The following MAP2 variants were observed in gnomAD, a reference collection of about 807,000 sequenced individuals.
MAP2 encodes the protein microtubule associated protein 2, also known as microtubule-associated protein 2.
MAP2 carries 14 observed loss-of-function variants against 137.6 expected under a neutral mutation model. The observed-to-expected ratio is 0.10, with a 90% CI of 0.07 to 0.16. MAP2 has a LOEUF of 0.16. MAP2 is among the 10% of genes least tolerant of loss of function. The probability of loss-of-function intolerance (pLI) is 1.00; values close to 1 mark genes in which losing one functional copy is unlikely to be tolerated. For synonymous variants in MAP2, 786 were observed against 782.3 expected, an observed-to-expected ratio of 1.00 and a Z score of -0.08; for missense variants, 2,088 against 2,191.5, an observed-to-expected ratio of 0.95 and a Z score of 0.94.
chr2:209,692,690 C>G lies in MAP2; in HGVS notation c.520C>G (p.Pro174Ala), dbSNP rs553702819. Residue 174 changes from proline to alanine, a missense_variant, in exon 8 of 16, where the codon CCT (proline) becomes GCT (alanine). This residue lies in a region of MAP2 where 859 missense variants were observed against 794.5 expected (regional missense o/e 1.08). Coordinates refer to ENST00000682079, the MANE Select transcript of MAP2 (RefSeq NM_001375505.1). ...QQELTPSTAEPSDQKEKESEK... is the reference protein window; with the variant it reads ...QQELTPSTAEASDQKEKESEK... Reference sequence around the variant, plus strand: ...GGAATTGACTCCCTCTACAGCTGAGCCTTCAGACCAGAAGGAAAAGGAGTC... The same window carrying G: ...GGAATTGACTCCCTCTACAGCTGAGGCTTCAGACCAGAAGGAAAAGGAGTC... The G allele has an allele frequency of 8.1e-6, 13 of 1,612,828 alleles. No individual in the cohort carries two copies. The highest frequency in any genetic ancestry group is 5.0e-5 in the Admixed American group (3 of 59,716).
rs114527999 is a variant in MAP2, at chr2:209,703,677, A to G, written c.4585-1903A>G. Among the ~76,000 whole-genome samples, 1,200 of 152,204 alleles carry G rather than the reference A, an allele frequency of 7.9e-3. 17 individuals are homozygous for G. The highest frequency in any genetic ancestry group is 0.027 in the African/African-American group (1,117 of 41,544). On this transcript the variant is annotated intron_variant, in intron 11 of 15. Coordinates refer to ENST00000682079, the MANE Select transcript of MAP2 (RefSeq NM_001375505.1). ...TTCTTTCTATATTAAGGCTTATTGT[A>G]TTTTTAAAGAGAAAGAGAGACTTGC...
rs572932615 is a variant in MAP2 at position 209,452,729 on chromosome 2, T to A, written c.-222+28453T>A. Among the ~76,000 whole-genome samples the A allele has an allele frequency of 1.3e-4, 20 of 152,322 alleles. No individual in the cohort carries two copies. The East Asian group carries it at 3.7e-3, about 28-fold the overall frequency. ...TCTTCCCTTCAGTTTTTAGCCTGCA[T>A]ACATACCTCAGTACCAGCCAACGGT... On this transcript the variant is annotated intron_variant, in intron 1 of 15. Coordinates refer to ENST00000682079, the MANE Select transcript of MAP2 (RefSeq NM_001375505.1).
chr2:209,458,774 C>T lies in MAP2; in HGVS notation c.-222+34498C>T, dbSNP rs749918498. ...GTCCCATAGAGGTGTTTGAGGCATACGATGCTCCCTCCACCTGCCTGAGAA... is the reference window on the plus strand; with the variant it reads ...GTCCCATAGAGGTGTTTGAGGCATATGATGCTCCCTCCACCTGCCTGAGAA... On this transcript the variant is annotated intron_variant, in intron 1 of 15. Transcript: ENST00000682079. Among the ~76,000 whole-genome samples the T allele has an allele frequency of 5.9e-5, 9 of 152,120 alleles. 1 individual carries two copies. The highest frequency in any genetic ancestry group is 2.6e-4 in the Admixed American group (4 of 15,264).
At chr2:209,721,326 A>G (rs2070808736) in intron 13 of MAP2, among the ~76,000 whole-genome samples, 1 of 152,218 alleles carries the variant, frequency 6.6e-6, no homozygotes, top group Non-Finnish European at 1.5e-5. Context: ...TTTTAGATGA[A>G]AAAATTATAA....
chr2:209,486,797 AG>A (rs1324738005), intron 1 of MAP2, among the ~76,000 whole-genome samples: 3 of 152,252 alleles, frequency 2.0e-5, no homozygotes, highest in African/African-American at 7.2e-5. Flanking sequence ...TTTCTGCTCC[AG>A]TGCTACTTCA....
At chr2:209,625,435 A>G (rs1040463533) in intron 4 of MAP2, among the ~76,000 whole-genome samples, 3 of 152,142 alleles carry the variant, frequency 2.0e-5, no homozygotes, top group African/African-American at 7.2e-5. Flanking sequence ...TTTCTTCAGT[A>G]CCTGTTACAT....
At chr2:209,513,933 A>G (rs1475570159) in intron 2 of MAP2, among the ~76,000 whole-genome samples, 1 of 152,144 alleles carries the variant, frequency 6.6e-6, no homozygotes, top group Non-Finnish European at 1.5e-5. Flanking sequence ...TCCAAAATCT[A>G]GGAAATGATT....
rs758304515 is a variant in MAP2, at chr2:209,730,394, G to C, written c.5481G>C (p.Leu1827Phe). Reference sequence around the variant, plus strand: ...CTGCTGCACTCGCTAAGCAGGGCTTGTGAATATTTCTCATTTAGCATTGAA... The same window carrying C: ...CTGCTGCACTCGCTAAGCAGGGCTTCTGAATATTTCTCATTTAGCATTGAA... ...DVTAALAKQG[L>F] Residue 1827 changes from leucine (L) to phenylalanine (F), a missense_variant, in exon 16 of 16, where the codon TTG becomes TTC. Transcript: ENST00000682079. The C allele has an allele frequency of 6.2e-7, 1 of 1,612,168 alleles. No individual in the cohort carries two copies. The highest frequency in any genetic ancestry group is 8.5e-7 in the Non-Finnish European group (1 of 1,178,566).
At chr2:209,463,809 G>A (rs1703465363) in intron 1 of MAP2, among the ~76,000 whole-genome samples, 1 of 152,086 alleles carries the variant, frequency 6.6e-6, no homozygotes, top group Admixed American at 6.6e-5. Context: ...CGTCTTTATT[G>A]AAAGTTTGAA....
intron 1 of MAP2, among the ~76,000 whole-genome samples, chr2:209,425,751 A>G (rs1692391446): frequency 6.6e-6 from 1 of 152,206 alleles, no homozygotes; most frequent in Non-Finnish European, 1.5e-5. Flanking sequence ...TTCTTTCACT[A>G]TGTCATTTCA....
intron 3 of MAP2, among the ~76,000 whole-genome samples, chr2:209,593,532 C>G (rs544710099): frequency 9.0e-4 from 124 of 137,434 alleles, no homozygotes; most frequent in African/African-American, 2.6e-3. Flanking sequence ...TCTGTAAACT[C>G]AGCACTTTAG....
chr2:209,691,776 G>T (rs1373902076), intron 7 of MAP2, among the ~76,000 whole-genome samples: 1 of 152,072 alleles, frequency 6.6e-6, no homozygotes, highest in Non-Finnish European at 1.5e-5. Flanking sequence ...CATGACCATG[G>T]GAATAAAGTT....
chr2:209,490,604 GCA>G (rs2058968516), intron 1 of MAP2, among the ~76,000 whole-genome samples: 1 of 1,686 alleles, frequency 5.9e-4, no homozygotes, highest in Non-Finnish European at 1.1e-3. Flanking sequence ...CAAATGGAAA[GCA>G]AAAAAAAAAA....
intron 7 of MAP2, among the ~76,000 whole-genome samples, chr2:209,689,636 T>A (rs764753020): frequency 2.6e-5 from 4 of 152,126 alleles, no homozygotes; most frequent in Non-Finnish European, 5.9e-5. Flanking sequence ...TATACATGGT[T>A]TGGGGGGTGG....
intron 1 of MAP2, among the ~76,000 whole-genome samples, chr2:209,430,401 T>C (rs992418633): frequency 6.6e-6 from 1 of 151,976 alleles, no homozygotes; most frequent in Non-Finnish European, 1.5e-5. Context: ...AATTACTTTC[T>C]AAGATAGAGT....
At chr2:209,526,715 A>G (rs1358234687) in intron 2 of MAP2, among the ~76,000 whole-genome samples, 2 of 149,178 alleles carry the variant, frequency 1.3e-5, no homozygotes, top group African/African-American at 2.5e-5. Context: ...CCTAAGTCCT[A>G]TTTTTTGCCA....
At chr2:209,681,711 T>G (rs1390739823) in intron 7 of MAP2, among the ~76,000 whole-genome samples, 1 of 152,208 alleles carries the variant, frequency 6.6e-6, no homozygotes, top group Non-Finnish European at 1.5e-5. Flanking sequence ...ATTTTATTCA[T>G]TTATTCATTT....
chr2:209,574,447 AC>A (rs2074975569), intron 2 of MAP2, among the ~76,000 whole-genome samples: 1 of 152,008 alleles, frequency 6.6e-6, no homozygotes, highest in East Asian at 1.9e-4. Context: ...ACACACACAC[AC>A]ACACACACAC....
chr2:209,512,953 A>G (rs2061947924), intron 2 of MAP2, among the ~76,000 whole-genome samples: 1 of 152,132 alleles, frequency 6.6e-6, no homozygotes, highest in Non-Finnish European at 1.5e-5. Flanking sequence ...AGTCCAATTT[A>G]TAGAATTTTA....
Sources: gnomAD v4.1 joint callset for allele counts (sites outside exome capture counted in the v4.1 genomes callset) on GRCh38, gnomAD v4.1.1 for gene constraint, gnomAD v4.1.1 regional missense constraint, MANE v1.5 for transcripts, NCBI Gene and HGNC (gene_info 2026-07-23, HGNC 2026-07-21) for gene names.